ANKS1A: variants seen among roughly 807,000 people sequenced by gnomAD.
ANKS1A encodes the protein ankyrin repeat and sterile alpha motif domain containing 1A, also known as ankyrin repeat and SAM domain-containing protein 1A.
A neutral mutation model predicts 120.3 loss-of-function variants in ANKS1A; 55 were observed. The observed-to-expected ratio is 0.46, with a 90% CI of 0.37 to 0.57. The LOEUF (loss-of-function observed/expected upper bound fraction) is 0.57, where lower values mean the gene tolerates loss of function less well. Among genes scored for constraint, ANKS1A ranks in the 20% least tolerant of loss-of-function variants. ANKS1A has a pLI of 0.00. For missense variants in ANKS1A, 1,123 were observed against 1,480.3 expected, an observed-to-expected ratio of 0.76 and a Z score of 3.96; for synonymous variants, 590 against 604.7, an observed-to-expected ratio of 0.98 and a Z score of 0.36.
intron 9 of ANKS1A, among the ~76,000 whole-genome samples, chr6:34,993,058 C>T (rs1395318098): frequency 6.6e-6 from 1 of 152,170 alleles, no homozygotes; most frequent in East Asian, 1.9e-4. Flanking sequence ...ATTGGGAATT[C>T]CCCCTACTCC....
chr6:34,978,533 C>T (rs1330463358), intron 3 of ANKS1A, among the ~76,000 whole-genome samples: 2 of 152,084 alleles, frequency 1.3e-5, no homozygotes, highest in Non-Finnish European at 2.9e-5. Context: ...CTGCGAGGCG[C>T]GGTAGCTCAC....
chr6:35,058,569 C>T lies in ANKS1A; in HGVS notation c.2078-1578C>T, dbSNP rs1776327515. 1 of 152,306 alleles carries T rather than the reference C, an allele frequency of 6.6e-6. No homozygotes were observed. The highest frequency in any genetic ancestry group is 1.5e-5 in the Non-Finnish European group (1 of 68,128). 9.4% of individuals were successfully genotyped at this position (152,306 alleles called of 1,614,324 possible). ...GGGAGTGGAGGCTGGCAGAGTTGGT[C>T]ACCAGGGTCTTGTAGATAACCAAGG... On this transcript the variant is annotated intron_variant, in intron 12 of 23. Coordinates refer to ENST00000360359, the MANE Select transcript of ANKS1A (RefSeq NM_015245.3). The surrounding 1 kb of genome is among the most constrained non-coding windows in gnomAD (Gnocchi z 5.1).
At chr6:34,919,148 G>C (rs1036689003) in intron 1 of ANKS1A, among the ~76,000 whole-genome samples, 2 of 152,212 alleles carry the variant, frequency 1.3e-5, no homozygotes, top group African/African-American at 4.8e-5. Flanking sequence ...GCTGCTCCCA[G>C]CCTTATATAC....
chr6:34,927,721 T>A (rs987579921), intron 1 of ANKS1A, among the ~76,000 whole-genome samples: 2 of 152,130 alleles, frequency 1.3e-5, no homozygotes, highest in African/African-American at 2.4e-5. Context: ...CAGGATTTGA[T>A]GACTGATGGA....
Position 35,060,361 on chromosome 6 carries a change from A to C in ANKS1A, c.2184+108A>C. 1.1e-6 allele frequency: 1 copy of C among 937,094 alleles called. No homozygotes were observed. The highest frequency in any genetic ancestry group is 1.6e-6 in the Non-Finnish European group (1 of 617,012). The allele number at this position is 937,094 out of a possible 1,614,324, so 58.0% of individuals were successfully genotyped here. ...AGTCTGCAACAGTACGTAGACCCAA[A>C]TCCCAGGGAAAGCTCACTGAGGTCA... is the stretch of plus-strand genomic sequence containing the variant. On this transcript the variant is annotated intron_variant, in intron 13 of 23. Coordinates refer to ENST00000360359, the MANE Select transcript of ANKS1A (RefSeq NM_015245.3). This position sits in a 1 kb window ranked among gnomAD's most constrained non-coding sequence, Gnocchi z 4.5.
chr6:34,901,695 G>C (rs973195809), intron 1 of ANKS1A, among the ~76,000 whole-genome samples: 1 of 152,136 alleles, frequency 6.6e-6, no homozygotes, highest in Non-Finnish European at 1.5e-5. Context: ...ATTTTTTGTA[G>C]AGACGGAGTC....
intron 17 of ANKS1A, 30 bp downstream of exon 17, chr6:35,081,188 G>A (rs376563739): frequency 2.0e-5 from 31 of 1,583,728 alleles, no homozygotes; most frequent in African/African-American, 4.0e-5. Flanking sequence ...GGTGCAGCCA[G>A]GCTCTACCTC....
At chr6:34,998,320 C>T (rs1772960233) in intron 10 of ANKS1A, among the ~76,000 whole-genome samples, 1 of 147,270 alleles carries the variant, frequency 6.8e-6, no homozygotes, top group Admixed American at 6.9e-5. Context: ...CTTTTAACCC[C>T]TCCTTAGTAT....
At chr6:34,979,116 CG>C (rs2127524264) in intron 3 of ANKS1A, among the ~76,000 whole-genome samples, 1 of 152,074 alleles carries the variant, frequency 6.6e-6, no homozygotes, top group East Asian at 2.0e-4. Context: ...AGGATGGTCT[CG>C]ATCTCATGAC....
At chr6:34,908,310 G>A (rs1767738009) in intron 1 of ANKS1A, among the ~76,000 whole-genome samples, 1 of 152,226 alleles carries the variant, frequency 6.6e-6, no homozygotes, top group Non-Finnish European at 1.5e-5. Flanking sequence ...GCAGGGAACA[G>A]CTAGAGGCAG....
At chr6:35,013,914 T>C (rs1773884537) in intron 10 of ANKS1A, among the ~76,000 whole-genome samples, 1 of 152,240 alleles carries the variant, frequency 6.6e-6, no homozygotes, top group African/African-American at 2.4e-5. Context: ...TAACGGACCC[T>C]GTGTGGAGGA....
intron 10 of ANKS1A, among the ~76,000 whole-genome samples, chr6:35,009,425 G>A (rs1046922064): frequency 1.3e-5 from 2 of 151,170 alleles, no homozygotes; most frequent in East Asian, 3.9e-4. Flanking sequence ...TTGAGGGAGG[G>A]GGCATGTTTG....
At chr6:35,055,651 T>A (rs987712806) in intron 12 of ANKS1A, among the ~76,000 whole-genome samples, 2 of 152,192 alleles carry the variant, frequency 1.3e-5, no homozygotes, top group African/African-American at 4.8e-5. Context: ...GTCCATGAAA[T>A]CATTACTTAC....
chr6:35,087,828 G>A (rs1229343309), intron 23 of ANKS1A, among the ~76,000 whole-genome samples: 1 of 152,238 alleles, frequency 6.6e-6, no homozygotes, highest in East Asian at 1.9e-4. Flanking sequence ...TCTCAGTCCT[G>A]ATGGGCCTTC....
chr6:34,983,880 C>T (rs1176565807), intron 7 of ANKS1A, among the ~76,000 whole-genome samples: 1 of 150,226 alleles, frequency 6.7e-6, no homozygotes, highest in African/African-American at 2.5e-5. Context: ...CAACCTCTGC[C>T]TCCCGGGTTC....
rs1168884933 is a variant in ANKS1A at position 35,086,262 on chromosome 6, C to T, written c.3303+326C>T. On this transcript the variant is annotated intron_variant, in intron 22 of 23. Coordinates refer to ENST00000360359, the MANE Select transcript of ANKS1A (RefSeq NM_015245.3). This position sits in a 1 kb window ranked among gnomAD's most constrained non-coding sequence, Gnocchi z 5.1. ...CTGTGTCTGTGTCTGCTTTGCTCTG[C>T]ACCCCAGGTGCCGCTGCCCCCCGAT... is the stretch of plus-strand genomic sequence containing the variant. 22 of 1,350,536 alleles carry T rather than the reference C, an allele frequency of 1.6e-5. No homozygotes were observed. The highest frequency in any genetic ancestry group is 2.2e-5 in the Admixed American group (1 of 45,244). The allele number at this position is 1,350,536 out of a possible 1,614,324, so 83.7% of individuals were successfully genotyped here. A position where few individuals can be genotyped will look rare whatever the true frequency, so the allele number is the denominator to read the frequency against.
chr6:34,953,335 G>A (rs927118212), intron 1 of ANKS1A, among the ~76,000 whole-genome samples: 4 of 152,194 alleles, frequency 2.6e-5, no homozygotes, highest in Non-Finnish European at 5.9e-5. Flanking sequence ...CTGGGAAGGT[G>A]AGGAAGAAGT....
intron 11 of ANKS1A, among the ~76,000 whole-genome samples, chr6:35,030,289 G>C (rs1561925344): frequency 6.6e-6 from 1 of 152,184 alleles, no homozygotes; most frequent in Non-Finnish European, 1.5e-5. Context: ...CTTACGAAAG[G>C]AGTCTCCTGG....
intron 10 of ANKS1A, among the ~76,000 whole-genome samples, chr6:35,006,264 G>A (rs1334606653): frequency 6.6e-6 from 1 of 151,014 alleles, no homozygotes; most frequent in African/African-American, 2.4e-5. Flanking sequence ...GGAGGCTGAG[G>A]CTGAGAATCG....
Sources: allele counts gnomAD v4.1 joint callset (sites outside exome capture counted in the v4.1 genomes callset), GRCh38; gene constraint gnomAD v4.1.1; non-coding constraint Gnocchi (gnomAD v3.1); transcripts MANE v1.5; gene names NCBI Gene and HGNC (gene_info 2026-07-23, HGNC 2026-07-21).